CECR2: variants seen among roughly 807,000 people sequenced by gnomAD.
CECR2 encodes the protein chromatin remodeling regulator CECR2.
A neutral mutation model predicts 154.5 loss-of-function variants in CECR2; 30 were observed. The ratio of observed to expected loss-of-function variants is 0.19; its 90% CI spans 0.15 to 0.26. The LOEUF is 0.26. CECR2 is among the 10% of genes least tolerant of loss of function. CECR2 has a pLI of 1.00. For missense variants in CECR2, 1,743 were observed against 1,829.3 expected, an observed-to-expected ratio of 0.95 and a Z score of 0.86; for synonymous variants, 725 against 683.7, an observed-to-expected ratio of 1.06 and a Z score of -0.94.
At position 17,522,054 on chromosome 22, in the gene CECR2, A is replaced by G. The variant is rs9618042; in HGVS notation, c.955-2064A>G. 4.3e-3 allele frequency among the ~76,000 whole-genome samples: 656 copies of G among 152,228 alleles called. 6 individuals are homozygous for G. Among genetic ancestry groups the G allele is most frequent in the African/African-American group, 0.015 (617 of 41,526 alleles). Reference sequence around the variant, plus strand: ...TTTTGTCAGGTTTGTCAAAGATCATATGGTTGTAGATGTGTGGTGTTATTT... The same window carrying G: ...TTTTGTCAGGTTTGTCAAAGATCATGTGGTTGTAGATGTGTGGTGTTATTT... On this transcript the variant is annotated intron_variant, in intron 8 of 18. Transcript: ENST00000262608.
At chr22:17,377,242 T>C (rs974682048) in intron 1 of CECR2, among the ~76,000 whole-genome samples, 1 of 152,184 alleles carries the variant, frequency 6.6e-6, no homozygotes, top group Non-Finnish European at 1.5e-5. Context: ...TTGCAAATTA[T>C]AGGAATTTTT....
intron 1 of CECR2, among the ~76,000 whole-genome samples, chr22:17,428,798 T>TTTTGTGTGTGTGTGTGTGTGTGTG (rs367634017): frequency 1.7e-4 from 23 of 136,422 alleles, no homozygotes; most frequent in African/African-American, 6.6e-4. Flanking sequence ...ATGTTTTTAT[T>TTTTGTGTGTGTGTGTGTGTGTGTG]TGTGTGTGTG....
intron 17 of CECR2, among the ~76,000 whole-genome samples, 155 bp downstream of exon 17, chr22:17,549,719 C>T (rs990891795): frequency 5.3e-5 from 8 of 151,682 alleles, no homozygotes; most frequent in Non-Finnish European, 1.2e-4. Context: ...CTCAAGGATC[C>T]TCCTGCATCA....
At chr22:17,547,108 G>A (rs2147051692) in intron 16 of CECR2, among the ~76,000 whole-genome samples, 1 of 148,634 alleles carries the variant, frequency 6.7e-6, no homozygotes, top group African/African-American at 2.5e-5. Context: ...ATTGTATATT[G>A]TAGTCTTAGT....
At chr22:17,405,064 T>C (rs2053960798) in intron 1 of CECR2, among the ~76,000 whole-genome samples, 1 of 152,204 alleles carries the variant, frequency 6.6e-6, no homozygotes, top group Admixed American at 6.5e-5. Flanking sequence ...CTCCCATCTT[T>C]TGTCAGATTT....
In CECR2 at chr22:17,542,822, C is replaced by T. The variant is rs537481175; in HGVS notation, c.2679C>T (p.Ser893=). The part of the protein sequence containing the change: ...PEMIAMQQLS[S]RVCPPGVPYH... ...TGATTGCGATGCAGCAGCTCTCCTC[C>T]CGCGTCTGCCCCCCAGGTGTGCCTT... is the stretch of plus-strand genomic sequence containing the variant. The change falls in exon 16 of 19, where the codon TCC becomes TCT. Residue 893 remains serine, a synonymous_variant. Transcript: ENST00000262608. The T allele has an allele frequency of 5.7e-5, 92 of 1,613,900 alleles. No individual in the cohort carries two copies. The Admixed American group carries it at 1.3e-3, about 24-fold the overall frequency.
Position 17,548,678 on chromosome 22 carries a change from G to A in CECR2, c.3391G>A (p.Ala1131Thr). The change falls in exon 17 of 19, where the codon GCC (alanine) becomes ACC (threonine). Residue 1131 changes from alanine (A) to threonine (T), a missense_variant. Ala to Thr is a moderately conservative substitution (Grantham distance 58, BLOSUM62 0). Coordinates refer to ENST00000262608, the MANE Select transcript of CECR2 (RefSeq NM_001290047.2). ...TGGCCTAGAGTACCCGAATTCAGCT[G>A]CCCATTACCACATCAGTCCAGGCCT... ...MPGLEYPNSA[A>T]HYHISPGLQG... 1.2e-6 allele frequency: 2 copies of A among 1,613,434 alleles called. No homozygotes were observed. The highest frequency in any genetic ancestry group is 1.7e-6 in the Non-Finnish European group (2 of 1,179,708).
chr22:17,368,440 A>G (rs1319624002), upstream of CECR2, among the ~76,000 whole-genome samples: 2 of 152,170 alleles, frequency 1.3e-5, no homozygotes, highest in East Asian at 3.8e-4. Flanking sequence ...GACGACCAAT[A>G]CAAATATCTG....
intron 1 of CECR2, among the ~76,000 whole-genome samples, chr22:17,443,514 C>T (rs918040245): frequency 6.6e-6 from 1 of 152,052 alleles, no homozygotes; most frequent in Non-Finnish European, 1.5e-5. Flanking sequence ...CATATTCAGT[C>T]CCAGGAGTTT....
At position 17,552,119 on chromosome 22, in the gene CECR2, C is replaced by T. The variant is rs559217085; in HGVS notation, c.4366C>T (p.Pro1456Ser). The change falls in exon 18 of 19, where the codon CCT becomes TCT. Residue 1456 changes from proline (P) to serine (S), a missense_variant. By Grantham distance (74) the Pro-to-Ser change is moderately conservative. Transcript: ENST00000262608. The part of the protein sequence containing the change: ...TSQEEVPPHK[P>S]PTLPLDQS ...ACAGGAGGAGGTGCCGCCTCATAAG[C>T]CTCCAACACTTCCCCTGGATCAGGT... 4.3e-6 allele frequency: 7 copies of T among 1,613,984 alleles called. No individual in the cohort carries two copies. Among genetic ancestry groups the T allele is most frequent in the Middle Eastern group, 1.6e-4 (1 of 6,062 alleles).
At chr22:17,477,379 G>A (rs913207751) in intron 1 of CECR2, among the ~76,000 whole-genome samples, 4 of 152,176 alleles carry the variant, frequency 2.6e-5, no homozygotes, top group African/African-American at 7.2e-5. Flanking sequence ...GGAGGGAGTA[G>A]TGAGAGAAAT....
intron 1 of CECR2, among the ~76,000 whole-genome samples, chr22:17,421,917 C>T (rs2054260658): frequency 6.6e-6 from 1 of 150,654 alleles, no homozygotes; most frequent in South Asian, 2.1e-4. Flanking sequence ...TACACATCTC[C>T]TCAATTGTTG....
chr22:17,484,201 C>T (rs1035261677), intron 2 of CECR2, among the ~76,000 whole-genome samples: 1 of 152,152 alleles, frequency 6.6e-6, no homozygotes, highest in Non-Finnish European at 1.5e-5. Context: ...ATTTTAGGCC[C>T]TCACTTGCAA....
intron 2 of CECR2, among the ~76,000 whole-genome samples, chr22:17,479,121 T>C (rs149358840): frequency 6.6e-6 from 1 of 152,374 alleles, no homozygotes; most frequent in African/African-American, 2.4e-5. Context: ...TATAAACATA[T>C]ATAATGCATA....
Position 17,369,551 on chromosome 22 carries a change from G to T in CECR2, c.-233G>T, listed in dbSNP as rs1173868615. 2 of 148,326 alleles carry T rather than the reference G, an allele frequency of 1.3e-5. No homozygotes were observed. The highest frequency in any genetic ancestry group is 4.9e-5 in the African/African-American group (2 of 41,016). The allele number at this position is 148,326 out of a possible 1,614,324, so 9.2% of individuals were successfully genotyped here. ...GGGATGGGGCGAGCGCGCGGACCCCGCGGGCAGCCGCAGCCGCAGCCGCCT... is the reference window on the plus strand; with the variant it reads ...GGGATGGGGCGAGCGCGCGGACCCCTCGGGCAGCCGCAGCCGCAGCCGCCT... On this transcript the variant is annotated 5_prime_UTR_variant, in exon 1 of 19. Coordinates refer to ENST00000262608, the MANE Select transcript of CECR2 (RefSeq NM_001290047.2).
intron 14 of CECR2, among the ~76,000 whole-genome samples, chr22:17,541,576 G>C (rs565023871): frequency 4.6e-5 from 7 of 152,316 alleles, no homozygotes; most frequent in Admixed American, 3.3e-4. Flanking sequence ...GGCTAAAATG[G>C]ATCCTTGGGA....
intron 1 of CECR2, among the ~76,000 whole-genome samples, chr22:17,396,664 AG>A (rs1208760819): frequency 6.6e-6 from 1 of 152,256 alleles, no homozygotes; most frequent in African/African-American, 2.4e-5. Context: ...TGGCAGTTAA[AG>A]TTTAAGCAGG....
chr22:17,405,245 A>G (rs1481091419), intron 1 of CECR2, among the ~76,000 whole-genome samples: 2 of 151,984 alleles, frequency 1.3e-5, no homozygotes, highest in East Asian at 3.9e-4. Context: ...CCTTGTCTCT[A>G]CTAAAAAATA....
chr22:17,407,081 C>T (rs999673569), intron 1 of CECR2, among the ~76,000 whole-genome samples: 3 of 152,088 alleles, frequency 2.0e-5, no homozygotes, highest in African/African-American at 7.2e-5. Flanking sequence ...GCTTATTAGC[C>T]GTGTTCTTGA....
Sources: gnomAD v4.1 joint callset for allele counts (sites outside exome capture counted in the v4.1 genomes callset) on GRCh38, gnomAD v4.1.1 for gene constraint, MANE v1.5 for transcripts, NCBI Gene and HGNC (gene_info 2026-07-23, HGNC 2026-07-21) for gene names.